The following TNIK variants were observed in gnomAD, a reference collection of about 807,000 sequenced individuals.
TNIK encodes the protein TRAF2 and NCK interacting kinase, also known as TRAF2 and NCK-interacting protein kinase.
Under a neutral mutation model 191.3 loss-of-function variants are expected in TNIK, and 49 were observed. The observed-to-expected ratio is 0.26, with a 90% CI of 0.20 to 0.32. The LOEUF (loss-of-function observed/expected upper bound fraction) is 0.32, where lower values mean the gene tolerates loss of function less well. Among genes scored for constraint, TNIK ranks in the 10% least tolerant of loss-of-function variants. The pLI, the probability that TNIK is intolerant of heterozygous loss-of-function variation, is 1.00. For missense variants in TNIK, 1,155 were observed against 1,702.3 expected, an observed-to-expected ratio of 0.68 and a Z score of 5.66; for synonymous variants, 594 against 600.9, an observed-to-expected ratio of 0.99 and a Z score of 0.17.
intron 15 of TNIK, among the ~76,000 whole-genome samples, chr3:171,134,825 G>A (rs1323527607): frequency 6.6e-6 from 1 of 152,166 alleles, no homozygotes; most frequent in Non-Finnish European, 1.5e-5. Context: ...GAACAAAGCA[G>A]TATAAGAGCA....
chr3:171,438,206 T>C (rs1726263302), intron 1 of TNIK, among the ~76,000 whole-genome samples: 1 of 152,166 alleles, frequency 6.6e-6, no homozygotes, highest in African/African-American at 2.4e-5. Context: ...CATTTCACCA[T>C]CTCAGGGCCC....
chr3:171,150,807 T>C (rs184896510), intron 12 of TNIK, among the ~76,000 whole-genome samples: 10 of 152,050 alleles, frequency 6.6e-5, no homozygotes, highest in African/African-American at 2.4e-4. Context: ...CAGTAAGACA[T>C]AACGAAAATG....
At chr3:171,124,064 T>C (rs1728145671) in intron 17 of TNIK, among the ~76,000 whole-genome samples, 1 of 152,236 alleles carries the variant, frequency 6.6e-6, no homozygotes, top group Admixed American at 6.5e-5. Flanking sequence ...TATCATTAAC[T>C]CATTGGAAGT....
chr3:171,349,024 T>C (rs1712710547), intron 2 of TNIK, among the ~76,000 whole-genome samples: 1 of 116,184 alleles, frequency 8.6e-6, no homozygotes, highest in South Asian at 3.0e-4. Flanking sequence ...AGGATGAACT[T>C]GGAAAAAAAA....
intron 2 of TNIK, among the ~76,000 whole-genome samples, chr3:171,357,415 A>C (rs1714254553): frequency 6.6e-6 from 1 of 151,696 alleles, no homozygotes; most frequent in Admixed American, 6.6e-5. Flanking sequence ...CAGCCTCCCG[A>C]GTAGCTGGGA....
chr3:171,076,905 T>C (rs1210799365), intron 28 of TNIK, among the ~76,000 whole-genome samples: 1 of 151,996 alleles, frequency 6.6e-6, no homozygotes, highest in Admixed American at 6.6e-5. Flanking sequence ...TTTCCTTCTC[T>C]CTCTAGCTTC....
chr3:171,270,602 TAC>T (rs1664952588), intron 2 of TNIK, among the ~76,000 whole-genome samples: 1 of 152,220 alleles, frequency 6.6e-6, no homozygotes. Context: ...CTTATGCCTT[TAC>T]ATGTGTTAAT....
At chr3:171,239,743 T>G (rs1744722925) in intron 2 of TNIK, among the ~76,000 whole-genome samples, 1 of 152,188 alleles carries the variant, frequency 6.6e-6, no homozygotes, top group Admixed American at 6.5e-5. Context: ...GCAGGATGGC[T>G]CTTACATATT....
At chr3:171,140,351 C>T (rs1481808950) in intron 13 of TNIK, 48 bp downstream of exon 13, 2 of 1,468,758 alleles carry the variant, frequency 1.4e-6, no homozygotes, top group Non-Finnish European at 9.1e-7. Context: ...AAGGCTGGTG[C>T]TGGGGTCCCC....
intron 1 of TNIK, among the ~76,000 whole-genome samples, chr3:171,458,479 C>T (rs73032121): frequency 6.6e-6 from 1 of 152,210 alleles, no homozygotes; most frequent in Non-Finnish European, 1.5e-5. Flanking sequence ...CTTCTCAACT[C>T]CTTACTTGCC....
intron 2 of TNIK, among the ~76,000 whole-genome samples, chr3:171,352,781 C>A (rs1308349654): frequency 6.6e-6 from 1 of 152,184 alleles, no homozygotes; most frequent in Non-Finnish European, 1.5e-5. Context: ...TGTTTATACT[C>A]TTAAATTGCT....
At chr3:171,310,107 C>G (rs1753857288) in intron 2 of TNIK, among the ~76,000 whole-genome samples, 1 of 129,624 alleles carries the variant, frequency 7.7e-6, no homozygotes, top group Non-Finnish European at 1.8e-5. Flanking sequence ...TTATTTATAA[C>G]ATACCTACTT....
At chr3:171,237,598 G>C (rs1744436080) in intron 2 of TNIK, among the ~76,000 whole-genome samples, 1 of 151,912 alleles carries the variant, frequency 6.6e-6, no homozygotes, top group South Asian at 2.1e-4. Context: ...CATGTATGTT[G>C]GTAAAATTAT....
chr3:171,410,778 CAAAAAAAA>C (rs55965220), intron 1 of TNIK, among the ~76,000 whole-genome samples: 1 of 73,910 alleles, frequency 1.4e-5, no homozygotes. Context: ...GACTCCATCT[CAAAAAAAA>C]AAAAAAAAAA....
At chr3:171,202,753 T>C (rs139961998) in intron 4 of TNIK, among the ~76,000 whole-genome samples, 2 of 152,352 alleles carry the variant, frequency 1.3e-5, no homozygotes, top group East Asian at 3.9e-4. Flanking sequence ...TGTGTTTGTA[T>C]CTACGTAACT....
chr3:171,264,146 G>C (rs1373717745), intron 2 of TNIK, among the ~76,000 whole-genome samples: 2 of 131,230 alleles, frequency 1.5e-5, no homozygotes, highest in African/African-American at 2.9e-5. Context: ...CCCTTACCTG[G>C]CTGGCCTCCC....
chr3:171,439,898 C>T (rs559999828), intron 1 of TNIK, among the ~76,000 whole-genome samples: 1 of 152,344 alleles, frequency 6.6e-6, no homozygotes, highest in East Asian at 1.9e-4. Flanking sequence ...TCAGCATGTG[C>T]TCAGTTTCCA....
intron 1 of TNIK, among the ~76,000 whole-genome samples, chr3:171,454,674 T>C (rs948406885): frequency 6.6e-6 from 1 of 152,180 alleles, no homozygotes; most frequent in Admixed American, 6.5e-5. Context: ...AAAAAGAATA[T>C]CTAATGAAAA....
At chr3:171,254,701 A>G (rs1746632899) in intron 2 of TNIK, among the ~76,000 whole-genome samples, 1 of 152,180 alleles carries the variant, frequency 6.6e-6, no homozygotes, top group Non-Finnish European at 1.5e-5. Flanking sequence ...TACAGCTAAC[A>G]TATAAGGGCT....
Sources: gnomAD v4.1 joint callset for allele counts (sites outside exome capture counted in the v4.1 genomes callset) on GRCh38, gnomAD v4.1.1 for gene constraint, MANE v1.5 for transcripts, NCBI Gene and HGNC (gene_info 2026-07-23, HGNC 2026-07-21) for gene names.